Variants in ADAM12 observed in about 807,000 individuals in gnomAD.
ADAM12 encodes ADAM metallopeptidase domain 12.
A neutral mutation model predicts 106.4 loss-of-function variants in ADAM12; 70 were observed. That is an observed-to-expected ratio of 0.66 (90% CI 0.54 to 0.80). The LOEUF is 0.80. Among genes scored for constraint, ADAM12 ranks in the 30% least tolerant of loss-of-function variants. The pLI is 0.00. For synonymous variants in ADAM12, 420 were observed against 433.5 expected, an observed-to-expected ratio of 0.97 and a Z score of 0.39; for missense variants, 1,010 against 1,171.9, an observed-to-expected ratio of 0.86 and a Z score of 2.02.
intron 21 of ADAM12, among the ~76,000 whole-genome samples, chr10:126,025,640 C>G (rs944918399): frequency 3.9e-5 from 6 of 152,086 alleles, no homozygotes; most frequent in African/African-American, 1.4e-4. Context: ...AGTGGCCAGA[C>G]TGTTAAACAG....
At chr10:126,091,318 G>A (rs757320936) in intron 11 of ADAM12, among the ~76,000 whole-genome samples, 2 of 152,144 alleles carry the variant, frequency 1.3e-5, no homozygotes, top group Non-Finnish European at 2.9e-5. Flanking sequence ...AGATAATACC[G>A]GAGCAGCCGG....
chr10:126,071,560 C>T lies in ADAM12; in HGVS notation c.1240G>A (p.Glu414Lys). Reference sequence around the variant, plus strand: ...TGGCCCCCGAAAGACTCCCTGACTTCCGGCAGGTTAAACAGGCACACCCCC... The same window carrying T: ...TGGCCCCCGAAAGACTCCCTGACTTTCGGCAGGTTAAACAGGCACACCCCC... ...GMGVCLFNLPEVRESFGGQKC... is the reference protein window; with the variant it reads ...GMGVCLFNLPKVRESFGGQKC... Residue 414 changes from glutamate to lysine, a missense_variant, in exon 12 of 23, where the codon GAA becomes AAA. Glu to Lys is a moderately conservative substitution (Grantham distance 56, BLOSUM62 1). This residue lies in a region of ADAM12 where 615 missense variants were observed against 708.5 expected (regional missense o/e 0.87). Transcript: ENST00000448723. 1 of 1,614,194 alleles carries T rather than the reference C, an allele frequency of 6.2e-7. No individual in the cohort carries two copies. The highest frequency in any genetic ancestry group is 1.1e-5 in the South Asian group (1 of 91,076).
intron 3 of ADAM12, among the ~76,000 whole-genome samples, chr10:126,217,450 T>A (rs1468349398): frequency 1.3e-5 from 2 of 151,230 alleles, no homozygotes; most frequent in African/African-American, 4.8e-5. Context: ...TCACCACAAC[T>A]TCTGCCTCCA....
chr10:126,341,425 C>T (rs529756784), intron 1 of ADAM12, among the ~76,000 whole-genome samples: 10 of 152,338 alleles, frequency 6.6e-5, no homozygotes, highest in African/African-American at 2.4e-4. Context: ...TCCAAGGCTT[C>T]GTTCTCATGG....
chr10:126,187,656 T>C (rs1477090233), intron 3 of ADAM12, among the ~76,000 whole-genome samples: 5 of 152,168 alleles, frequency 3.3e-5, no homozygotes, highest in Admixed American at 3.3e-4. Context: ...TCAAAGTGAC[T>C]TCACAGAGGC....
intron 14 of ADAM12, among the ~76,000 whole-genome samples, chr10:126,055,418 T>C (rs1396070553): frequency 1.3e-5 from 2 of 152,230 alleles, no homozygotes; most frequent in Non-Finnish European, 2.9e-5. Context: ...AAATGAACGA[T>C]ACATTTTAGA....
chr10:126,230,655 C>T (rs946480079), intron 3 of ADAM12, among the ~76,000 whole-genome samples: 8 of 152,166 alleles, frequency 5.3e-5, no homozygotes, highest in Non-Finnish European at 1.0e-4. Flanking sequence ...GGAATGTTTT[C>T]CCACATATTC....
intron 21 of ADAM12, among the ~76,000 whole-genome samples, chr10:126,030,002 T>C (rs1953946508): frequency 6.6e-6 from 1 of 152,170 alleles, no homozygotes; most frequent in African/African-American, 2.4e-5. Context: ...AATTTATCCA[T>C]CTTGGGCAAG....
chr10:126,124,549 C>G (rs1411955495), intron 5 of ADAM12, among the ~76,000 whole-genome samples: 1 of 151,996 alleles, frequency 6.6e-6, no homozygotes, highest in Non-Finnish European at 1.5e-5. Context: ...GGTGTGGGAG[C>G]ACGACAGAGG....
At chr10:126,081,580 T>C (rs908636859) in intron 11 of ADAM12, among the ~76,000 whole-genome samples, 2 of 152,190 alleles carry the variant, frequency 1.3e-5, no homozygotes, top group Non-Finnish European at 1.5e-5. Flanking sequence ...GAGGCTCTTC[T>C]TTACCTGGGC....
chr10:126,339,958 G>A lies in ADAM12; in HGVS notation c.89-9449C>T, dbSNP rs188212430. On this transcript the variant is annotated intron_variant, in intron 1 of 22. Coordinates refer to ENST00000448723, the MANE Select transcript of ADAM12 (RefSeq NM_001288973.2). ...CAACCTCTGACTTCCAGGTTCAAGC[G>A]ATTCTCCTGCTTCAGCCTCCGGAGT... Among the ~76,000 whole-genome samples the A allele has an allele frequency of 4.1e-3, 600 of 147,312 alleles. 5 individuals are homozygous for A. The highest frequency in any genetic ancestry group is 0.014 in the African/African-American group (567 of 40,136).
chr10:126,160,189 CAG>C (rs781404812), intron 3 of ADAM12, among the ~76,000 whole-genome samples: 2 of 152,146 alleles, frequency 1.3e-5, no homozygotes, highest in Non-Finnish European at 2.9e-5. Context: ...CAGCATACAA[CAG>C]AGTCTTGCAA....
At chr10:126,276,183 T>C (rs1959237689) in intron 3 of ADAM12, among the ~76,000 whole-genome samples, 1 of 152,204 alleles carries the variant, frequency 6.6e-6, no homozygotes, top group African/African-American at 2.4e-5. Context: ...GCTGAAGGTG[T>C]TGGAGCGGTA....
intron 1 of ADAM12, among the ~76,000 whole-genome samples, chr10:126,335,178 A>G (rs1484454153): frequency 6.6e-6 from 1 of 152,236 alleles, no homozygotes; most frequent in Non-Finnish European, 1.5e-5. Context: ...ATGCCAGTGT[A>G]TAAGTGGATG....
intron 3 of ADAM12, among the ~76,000 whole-genome samples, chr10:126,266,775 T>G (rs1384140546): frequency 6.6e-6 from 1 of 152,024 alleles, no homozygotes; most frequent in Non-Finnish European, 1.5e-5. Context: ...GCATCTCACA[T>G]GGTCAGAGCA....
chr10:126,388,080 C>T lies in ADAM12; in HGVS notation c.66G>A (p.Leu22=). ...TACCTCGGGCCTCGCAGGGCGCGAG[C>T]AGAGCACCGGCCAGGGCGAGCAGGA... ...RALLLALAGA[L]LAPCEARGVS... The change falls in exon 1 of 23, where the codon CTG becomes CTA. Residue 22 remains leucine, a synonymous_variant. Transcript: ENST00000448723. This position sits in a 1 kb window ranked among gnomAD's most constrained non-coding sequence, Gnocchi z 4.4. 8.1e-7 allele frequency: 1 copy of T among 1,232,958 alleles called. No homozygotes were observed. Among genetic ancestry groups the T allele is most frequent in the Non-Finnish European group, 1.0e-6 (1 of 987,172 alleles). 76.4% of individuals were successfully genotyped at this position (1,232,958 alleles called of 1,614,324 possible).
rs142893456 is a variant in ADAM12 at position 126,294,855 on chromosome 10, T to C, written c.187-15867A>G. On this transcript the variant is annotated intron_variant, in intron 2 of 22. Coordinates refer to ENST00000448723, the MANE Select transcript of ADAM12 (RefSeq NM_001288973.2). Reference sequence around the variant, plus strand: ...TAGTTCAGAAAAGATTTCTGATGCATTATTAACTAGAAGAAATTTTGTATA... The same window carrying C: ...TAGTTCAGAAAAGATTTCTGATGCACTATTAACTAGAAGAAATTTTGTATA... 5.0e-3 allele frequency among the ~76,000 whole-genome samples: 756 copies of C among 152,218 alleles called. 6 individuals are homozygous for C. Among genetic ancestry groups the C allele is most frequent in the African/African-American group, 0.015 (639 of 41,534 alleles).
intron 11 of ADAM12, chr10:126,090,648 C>G (rs960759039): frequency 6.6e-6 from 1 of 152,128 alleles, no homozygotes; most frequent in Non-Finnish European, 1.5e-5. Context: ...TAAAGCCTTG[C>G]AGTAATTAAT....
intron 3 of ADAM12, among the ~76,000 whole-genome samples, chr10:126,236,592 G>A (rs1958420542): frequency 1.3e-5 from 2 of 152,058 alleles, no homozygotes; most frequent in South Asian, 4.2e-4. Context: ...GCACTCACAG[G>A]AAGGAGCACT....
Sources: allele counts gnomAD v4.1 joint callset (sites outside exome capture counted in the v4.1 genomes callset), GRCh38; gene constraint gnomAD v4.1.1; regional missense constraint gnomAD v4.1.1; non-coding constraint Gnocchi (gnomAD v3.1); transcripts MANE v1.5; gene names NCBI Gene and HGNC (gene_info 2026-07-23, HGNC 2026-07-21).